DHX15: variants seen among roughly 807,000 people sequenced by gnomAD.
DHX15 encodes the protein DEAH-box helicase 15, also known as ATP-dependent RNA helicase DHX15.
DHX15 carries 11 observed loss-of-function variants against 94.4 expected under a neutral mutation model. The observed-to-expected ratio is 0.12, with a 90% CI of 0.07 to 0.19. The LOEUF is 0.19. Ranked by LOEUF, DHX15 falls within the 10% of genes least tolerant of loss-of-function variation. The pLI, the probability that DHX15 is intolerant of heterozygous loss-of-function variation, is 1.00. For synonymous variants in DHX15, 338 were observed against 329.9 expected (o/e 1.02, Z -0.27); for missense variants, 304 against 988.5 (o/e 0.31, Z 9.29).
At chr4:24,568,282 T>C (rs1019297258) in intron 3 of DHX15, among the ~76,000 whole-genome samples, 2 of 152,222 alleles carry the variant, frequency 1.3e-5, no homozygotes, top group African/African-American at 2.4e-5. Flanking sequence ...AGCATTCCCA[T>C]TAGTTAAGTT....
Position 24,556,016 on chromosome 4 carries a change from G to T in DHX15, c.861+235C>A, listed in dbSNP as rs538853751. On this transcript the variant is annotated intron_variant, in intron 4 of 13. Coordinates refer to ENST00000336812, the MANE Select transcript of DHX15 (RefSeq NM_001358.3). The stretch of plus-strand genomic sequence containing the variant: ...ACATATATGTTATTAGATTATAAAA[G>T]AACTAGGTGGGTTACAAATTGAGAA... Among the ~76,000 whole-genome samples, 16 of 152,226 alleles carry T rather than the reference G, an allele frequency of 1.1e-4. No individual in the cohort carries two copies. The East Asian group carries it at 3.1e-3, about 29-fold the overall frequency.
At chr4:24,575,156 TA>T (rs796325646) in intron 2 of DHX15, among the ~76,000 whole-genome samples, 398 of 130,208 alleles carry the variant, frequency 3.1e-3, no homozygotes, top group Admixed American at 3.7e-3. Flanking sequence ...ACACAAAAAT[TA>T]AAAAAAAAAA....
At chr4:24,532,053 G>C (rs1340801226) in intron 12 of DHX15, among the ~76,000 whole-genome samples, 1 of 152,162 alleles carries the variant, frequency 6.6e-6, no homozygotes, top group African/African-American at 2.4e-5. Flanking sequence ...ACAGAAAAGA[G>C]ATAGAAGAGA....
At chr4:24,562,692 T>G (rs1721908833) in intron 3 of DHX15, among the ~76,000 whole-genome samples, 1 of 152,228 alleles carries the variant, frequency 6.6e-6, no homozygotes, top group Non-Finnish European at 1.5e-5. Context: ...TAGTGTAATA[T>G]ACACATAATC....
At chr4:24,562,020 A>T (rs1445246691) in intron 3 of DHX15, among the ~76,000 whole-genome samples, 1 of 150,862 alleles carries the variant, frequency 6.6e-6, no homozygotes, top group African/African-American at 2.4e-5. Context: ...AGCCCCAGCT[A>T]CTTGGGAGGC....
Position 24,540,646 on chromosome 4 carries a change from G to GA in DHX15, c.1594+193dup, listed in dbSNP as rs5856853. On this transcript the variant is annotated intron_variant, in intron 9 of 13. Coordinates refer to ENST00000336812, the MANE Select transcript of DHX15 (RefSeq NM_001358.3). ...AAACCCCCCCATAATAACTTTTGAA[G>GA]AAAAAAAAAAAATGTGCTCATATAA... Among the ~76,000 whole-genome samples the GA allele has an allele frequency of 9.3e-3, 1,375 of 147,128 alleles. 19 individuals carry two copies. Among genetic ancestry groups the GA allele is most frequent in the Non-Finnish European group, 0.012 (814 of 66,672 alleles).
At chr4:24,575,846 A>G (rs1056938490) in intron 2 of DHX15, among the ~76,000 whole-genome samples, 3 of 152,194 alleles carry the variant, frequency 2.0e-5, no homozygotes, top group African/African-American at 4.8e-5. Flanking sequence ...ACCGGTATAG[A>G]CTTTATATTA....
intron 5 of DHX15, among the ~76,000 whole-genome samples, chr4:24,554,001 G>A (rs181718679): frequency 5.8e-4 from 88 of 152,132 alleles, no homozygotes; most frequent in Non-Finnish European, 1.1e-3. Context: ...AGTGGATCAC[G>A]AGGTCAGGAG....
intron 1 of DHX15, among the ~76,000 whole-genome samples, chr4:24,578,993 T>A (rs1722345806): frequency 6.6e-6 from 1 of 152,206 alleles, no homozygotes; most frequent in South Asian, 2.1e-4. Context: ...GTTAAAGTAA[T>A]ACCTATACTA....
At chr4:24,528,379 A>G (rs1056858781) in intron 13 of DHX15, among the ~76,000 whole-genome samples, 2 of 152,230 alleles carry the variant, frequency 1.3e-5, no homozygotes, top group Non-Finnish European at 2.9e-5. Flanking sequence ...ATAGTAATAT[A>G]TAACAGGTTC....
intron 6 of DHX15, among the ~76,000 whole-genome samples, chr4:24,547,929 ATATATATATATAT>A (rs1560765876): frequency 1.6e-3 from 67 of 41,024 alleles, no homozygotes; most frequent in East Asian, 9.3e-3. Flanking sequence ...ATATATATAT[ATATATATATATAT>A]CTATATCTAT....
At chr4:24,549,749 A>C (rs1227619299) in intron 5 of DHX15, among the ~76,000 whole-genome samples, 2 of 152,228 alleles carry the variant, frequency 1.3e-5, no homozygotes, top group South Asian at 2.1e-4. Flanking sequence ...CTGTAACACA[A>C]TGGGAAGTGT....
chr4:24,570,923 C>T (rs1280370656), intron 2 of DHX15, 76 bp from the exon 3 acceptor site: 39 of 1,441,698 alleles, frequency 2.7e-5, no homozygotes, highest in Non-Finnish European at 3.4e-5. Flanking sequence ...AGCACTTTAT[C>T]TCATTCTAAT....
At chr4:24,560,538 T>A (rs1003579301) in intron 3 of DHX15, among the ~76,000 whole-genome samples, 1 of 152,124 alleles carries the variant, frequency 6.6e-6, no homozygotes, top group Non-Finnish European at 1.5e-5. Context: ...AAGAAATGTA[T>A]GACAAACTGA....
intron 3 of DHX15, among the ~76,000 whole-genome samples, chr4:24,564,132 G>A (rs1721945929): frequency 6.6e-6 from 1 of 150,956 alleles, no homozygotes; most frequent in Non-Finnish European, 1.5e-5. Context: ...AAGAGGTAGT[G>A]TTCAATCTGT....
chr4:24,573,268 A>G (rs931367185), intron 2 of DHX15, among the ~76,000 whole-genome samples: 14 of 152,148 alleles, frequency 9.2e-5, no homozygotes, highest in Admixed American at 1.3e-4. Flanking sequence ...CCTCCACTTG[A>G]GGGCATCTTA....
At chr4:24,531,478 C>T (rs1354970125) in intron 12 of DHX15, among the ~76,000 whole-genome samples, 3 of 152,018 alleles carry the variant, frequency 2.0e-5, no homozygotes, top group African/African-American at 7.2e-5. Flanking sequence ...TTTGGGAGGT[C>T]GAGGTAGGAG....
intron 7 of DHX15, among the ~76,000 whole-genome samples, chr4:24,542,682 CA>C (rs1259998211): frequency 6.6e-6 from 1 of 151,076 alleles, no homozygotes; most frequent in Non-Finnish European, 1.5e-5. Context: ...ATATACAAGC[CA>C]AAACACCCAC....
chr4:24,570,519 TG>T, intron 3 of DHX15, 134 bp downstream of exon 3: 2 of 631,520 alleles, frequency 3.2e-6, no homozygotes, highest in Non-Finnish European at 5.4e-6. Flanking sequence ...TAAGGTCATG[TG>T]GTAAGTCTAA....
Sources: allele counts gnomAD v4.1 joint callset (sites outside exome capture counted in the v4.1 genomes callset), GRCh38; gene constraint gnomAD v4.1.1; transcripts MANE v1.5; gene names NCBI Gene and HGNC (gene_info 2026-07-23, HGNC 2026-07-21).